Variants in LRFN5 observed in about 807,000 individuals in gnomAD.
The protein encoded by LRFN5 is leucine-rich repeat and fibronectin type-III domain-containing protein 5.
LRFN5 carries 24 observed loss-of-function variants against 45.6 expected under a neutral mutation model. The observed-to-expected ratio is 0.53, with a 90% CI of 0.38 to 0.74. The LOEUF is 0.74. LRFN5 is among the 30% of genes least tolerant of loss of function. The pLI is 0.00. For missense variants in LRFN5, 776 were observed against 861.5 expected, an observed-to-expected ratio of 0.90 and a Z score of 1.24; for synonymous variants, 340 against 313.8, an observed-to-expected ratio of 1.08 and a Z score of -0.88.
chr14:41,744,004 T>A (rs968553196), intron 1 of LRFN5, among the ~76,000 whole-genome samples: 12 of 152,200 alleles, frequency 7.9e-5, no homozygotes, highest in African/African-American at 2.9e-4. Flanking sequence ...TTGGAGGATG[T>A]TAAATTCAAT....
chr14:41,725,906 T>C (rs1883910734), intron 1 of LRFN5, among the ~76,000 whole-genome samples: 1 of 152,194 alleles, frequency 6.6e-6, no homozygotes, highest in Non-Finnish European at 1.5e-5. Flanking sequence ...GTAAAAAACA[T>C]GTTAGAAAAT....
At chr14:41,659,296 G>T (rs1880522394) in intron 1 of LRFN5, among the ~76,000 whole-genome samples, 1 of 152,040 alleles carries the variant, frequency 6.6e-6, no homozygotes, top group Non-Finnish European at 1.5e-5. Flanking sequence ...TTGAGAACAT[G>T]TGGTGTTTGG....
At chr14:41,717,448 T>C (rs1883538449) in intron 1 of LRFN5, among the ~76,000 whole-genome samples, 1 of 152,182 alleles carries the variant, frequency 6.6e-6, no homozygotes, top group African/African-American at 2.4e-5. Flanking sequence ...AGTTTTAAAT[T>C]GCCACCTACA....
chr14:41,878,452 C>A (rs1456933510), intron 2 of LRFN5, among the ~76,000 whole-genome samples: 1 of 152,110 alleles, frequency 6.6e-6, no homozygotes, highest in African/African-American at 2.4e-5. Context: ...CTTTTATATT[C>A]CATCCTGGTT....
chr14:41,888,016 A>G lies in LRFN5; in HGVS notation c.1385+6A>G, dbSNP rs1890642380. On this transcript the variant is annotated splice_donor_region_variant and intron_variant, in intron 3 of 5. Transcript: ENST00000298119. ...GATGACACCCTTGTTTACAGGTAAGAAAAATTGAGCAAATTTGTATACTTA... is the reference window on the plus strand; with the variant it reads ...GATGACACCCTTGTTTACAGGTAAGGAAAATTGAGCAAATTTGTATACTTA... The G allele has an allele frequency of 6.4e-7, 1 of 1,574,302 alleles. No individual in the cohort carries two copies. Among genetic ancestry groups the G allele is most frequent in the African/African-American group, 1.4e-5 (1 of 73,502 alleles).
intron 2 of LRFN5, among the ~76,000 whole-genome samples, chr14:41,780,846 T>C (rs1332469192): frequency 6.6e-6 from 1 of 152,110 alleles, no homozygotes; most frequent in Non-Finnish European, 1.5e-5. Flanking sequence ...AAAAAATTTA[T>C]AGTACGGTTG....
intron 1 of LRFN5, among the ~76,000 whole-genome samples, chr14:41,671,604 A>ATTTTTTTTTTCTT (rs1566613117): frequency 2.0e-4 from 18 of 91,078 alleles, no homozygotes; most frequent in South Asian, 3.9e-4. Flanking sequence ...TGGAGGAGAG[A>ATTTTTTTTTTCTT]TTTTTTTTTT....
At chr14:41,890,255 C>T (rs1890729618) in intron 3 of LRFN5, among the ~76,000 whole-genome samples, 1 of 152,148 alleles carries the variant, frequency 6.6e-6, no homozygotes, top group Non-Finnish European at 1.5e-5. Context: ...CGGTAGCATA[C>T]AACGGGATGA....
At chr14:41,707,127 T>G (rs1044473694) in intron 1 of LRFN5, among the ~76,000 whole-genome samples, 1 of 152,178 alleles carries the variant, frequency 6.6e-6, no homozygotes, top group Non-Finnish European at 1.5e-5. Flanking sequence ...AATTACAATA[T>G]AGTTTATGAA....
chr14:41,889,201 T>A (rs1007643291), intron 3 of LRFN5, among the ~76,000 whole-genome samples: 2 of 151,434 alleles, frequency 1.3e-5, no homozygotes, highest in African/African-American at 2.4e-5. Context: ...TCAATATAAT[T>A]GATTTTCATT....
At position 41,634,724 on chromosome 14, in the gene LRFN5, A is replaced by T. The variant is rs1468963658; in HGVS notation, c.-197+26162A>T. ...GACCCTCTGCTTAAATTGAATCCTA[A>T]TGCTGTAGGGTTTGGGTCTGTTTTA... On this transcript the variant is annotated intron_variant, in intron 1 of 5. Transcript: ENST00000298119. Among the ~76,000 whole-genome samples, 3 of 152,170 alleles carry T rather than the reference A, an allele frequency of 2.0e-5. No homozygotes were observed. In the South Asian group the frequency reaches 6.2e-4, roughly 32 times the overall value.
intron 1 of LRFN5, among the ~76,000 whole-genome samples, chr14:41,764,805 GATTATATATGCAGAA>G (rs1885810135): frequency 5.8e-5 from 2 of 34,194 alleles, no homozygotes; most frequent in Non-Finnish European, 1.0e-4. Flanking sequence ...ACATATATAT[GATTATATATGCAGAA>G]TACATATATA....
At chr14:41,661,060 G>A (rs932106494) in intron 1 of LRFN5, among the ~76,000 whole-genome samples, 7 of 150,550 alleles carry the variant, frequency 4.6e-5, no homozygotes, top group African/African-American at 1.5e-4. Flanking sequence ...TCTCGTATGG[G>A]TCAGAAGCAA....
At chr14:41,629,235 T>A (rs914535499) in intron 1 of LRFN5, among the ~76,000 whole-genome samples, 4 of 152,202 alleles carry the variant, frequency 2.6e-5, no homozygotes, top group Non-Finnish European at 4.4e-5. Context: ...TCTTCATTAA[T>A]CAAAAACTCA....
At chr14:41,775,406 C>G (rs983631587) in intron 2 of LRFN5, among the ~76,000 whole-genome samples, 1 of 152,036 alleles carries the variant, frequency 6.6e-6, no homozygotes, top group Non-Finnish European at 1.5e-5. Context: ...TTTTAAGCAA[C>G]TATTTTTTAT....
chr14:41,682,995 C>T (rs1344947953), intron 1 of LRFN5, among the ~76,000 whole-genome samples: 1 of 152,016 alleles, frequency 6.6e-6, no homozygotes, highest in Non-Finnish European at 1.5e-5. Flanking sequence ...ACCAGACAGA[C>T]ACAGCAGTAA....
chr14:41,899,106 A>G, intron 5 of LRFN5, 146 bp downstream of exon 5: 2 of 645,428 alleles, frequency 3.1e-6, no homozygotes, highest in Non-Finnish European at 5.1e-6. Context: ...AACAGTGAAG[A>G]TTGAAGTTTA....
At position 41,639,836 on chromosome 14, in the gene LRFN5, G is replaced by A. The variant is rs559184527; in HGVS notation, c.-197+31274G>A. ...CTTGCTTCATTTCCCAGGCTAGAGT[G>A]CAGTAATGCAATCATAGTTCAATGC... On this transcript the variant is annotated intron_variant, in intron 1 of 5. Coordinates refer to ENST00000298119, the MANE Select transcript of LRFN5 (RefSeq NM_152447.5). Among the ~76,000 whole-genome samples, 51 of 151,732 alleles carry A rather than the reference G, an allele frequency of 3.4e-4. No individual in the cohort carries two copies. The South Asian group carries it at 9.6e-3, about 28-fold the overall frequency.
Position 41,898,961 on chromosome 14 carries a change from G to C in LRFN5, c.2142+1G>C. On this transcript the variant is annotated splice_donor_variant, in intron 5 of 5. Transcript: ENST00000298119. LOFTEE classifies it high-confidence loss of function. ...TGACCAGATTGTCCAGGAAACACAGGTGAGATTCTTATTACCTATAACTTA... is the reference window on the plus strand; with the variant it reads ...TGACCAGATTGTCCAGGAAACACAGCTGAGATTCTTATTACCTATAACTTA... 1 of 1,610,078 alleles carries C rather than the reference G, an allele frequency of 6.2e-7. No homozygotes were observed. The highest frequency in any genetic ancestry group is 8.5e-7 in the Non-Finnish European group (1 of 1,178,080).
Sources: allele counts gnomAD v4.1 joint callset (sites outside exome capture counted in the v4.1 genomes callset), GRCh38; gene constraint gnomAD v4.1.1; transcripts MANE v1.5; gene names NCBI Gene and HGNC (gene_info 2026-07-23, HGNC 2026-07-21).